The following RORA variants were observed in gnomAD, a reference collection of about 807,000 sequenced individuals.
RORA encodes nuclear receptor ROR-alpha.
A neutral mutation model predicts 69.5 loss-of-function variants in RORA; 7 were observed. The ratio of observed to expected loss-of-function variants is 0.10; its 90% confidence interval spans 0.06 to 0.19. The LOEUF (loss-of-function observed/expected upper bound fraction) is 0.19, where lower values mean the gene tolerates loss of function less well. RORA is among the 10% of genes least tolerant of loss of function. The pLI, the probability that RORA is intolerant of heterozygous loss-of-function variation, is 1.00. For synonymous variants in RORA, 261 were observed against 240.8 expected (o/e 1.08, Z -0.78); for missense variants, 457 against 663.0 (o/e 0.69, Z 3.41).
chr15:61,124,186 T>C (rs771727100), intron 1 of RORA, among the ~76,000 whole-genome samples: 8 of 152,306 alleles, frequency 5.3e-5, no homozygotes, highest in African/African-American at 7.2e-5. Context: ...GCCATTTAGG[T>C]GTTGGCTGCT....
chr15:60,728,534 C>T (rs114142594), intron 1 of RORA, among the ~76,000 whole-genome samples: 2,109 of 152,172 alleles, frequency 0.014, 57 homozygotes, highest in African/African-American at 0.049. Flanking sequence ...AATCATCATT[C>T]GTTTCATCCA....
intron 2 of RORA, among the ~76,000 whole-genome samples, chr15:60,617,807 G>GTGA (rs2069294972): frequency 6.6e-6 from 1 of 151,364 alleles, no homozygotes; most frequent in African/African-American, 2.4e-5. Flanking sequence ...GGAGGCCTCA[G>GTGA]TTCATCCAGT....
chr15:60,809,793 T>TC (rs1449382973), intron 1 of RORA, among the ~76,000 whole-genome samples: 1 of 151,948 alleles, frequency 6.6e-6, no homozygotes, highest in Non-Finnish European at 1.5e-5. Flanking sequence ...TATTATGTTT[T>TC]TTTTTTCTGG....
At chr15:60,733,555 G>A (rs1447516475) in intron 1 of RORA, among the ~76,000 whole-genome samples, 1 of 152,038 alleles carries the variant, frequency 6.6e-6, no homozygotes, top group Non-Finnish European at 1.5e-5. Context: ...GGATTAAAGA[G>A]GATATTCCCC....
intron 1 of RORA, among the ~76,000 whole-genome samples, chr15:60,801,712 C>T (rs988053633): frequency 2.0e-5 from 3 of 152,134 alleles, no homozygotes; most frequent in Admixed American, 6.5e-5. Context: ...GTGAGCAGAC[C>T]CCACAAAGAA....
At chr15:60,829,936 C>T (rs1015541699) in intron 1 of RORA, among the ~76,000 whole-genome samples, 1 of 152,192 alleles carries the variant, frequency 6.6e-6, no homozygotes, top group Admixed American at 6.5e-5. Context: ...CTTAGTTTAG[C>T]ACTGTGCTTG....
intron 1 of RORA, among the ~76,000 whole-genome samples, chr15:60,919,063 A>T (rs1159874532): frequency 6.6e-6 from 1 of 152,186 alleles, no homozygotes; most frequent in Non-Finnish European, 1.5e-5. Flanking sequence ...GGCTTATATA[A>T]TATGCACTAG....
intron 1 of RORA, among the ~76,000 whole-genome samples, chr15:60,806,298 C>T (rs1255465738): frequency 1.3e-5 from 2 of 152,184 alleles, no homozygotes; most frequent in African/African-American, 2.4e-5. Flanking sequence ...GAGTGAAAAG[C>T]ACCCACAATT....
chr15:60,985,865 C>T (rs1235674692), intron 1 of RORA, among the ~76,000 whole-genome samples: 1 of 152,150 alleles, frequency 6.6e-6, no homozygotes, highest in Non-Finnish European at 1.5e-5. Context: ...CAGGTGTGAG[C>T]CAACGCGCCC....
At chr15:60,658,743 GTC>G (rs2070259877) in intron 2 of RORA, among the ~76,000 whole-genome samples, 1 of 152,242 alleles carries the variant, frequency 6.6e-6, no homozygotes, top group African/African-American at 2.4e-5. Context: ...TTACAGGTAA[GTC>G]TGTGCTTAAA....
At chr15:61,119,084 G>GT (rs796892364) in intron 1 of RORA, among the ~76,000 whole-genome samples, 9 of 147,630 alleles carry the variant, frequency 6.1e-5, no homozygotes, top group African/African-American at 2.2e-4. Flanking sequence ...TAACAGAAGG[G>GT]GGGGGGGGGC....
In RORA at chr15:60,928,802, T is replaced by C. The variant is rs529908501; in HGVS notation, c.167-250116A>G. On this transcript the variant is annotated intron_variant, in intron 1 of 10. Coordinates refer to ENST00000335670, the MANE Select transcript of RORA (RefSeq NM_134261.3). Reference sequence around the variant, plus strand: ...GACTCTCCAGGCAAGTCTAAAGTAATGCTGGCAATAATGCACAGAGCTCTA... The same window carrying C: ...GACTCTCCAGGCAAGTCTAAAGTAACGCTGGCAATAATGCACAGAGCTCTA... 1.3e-5 allele frequency among the ~76,000 whole-genome samples: 2 copies of C among 152,276 alleles called. 1 individual carries two copies. The highest frequency in any genetic ancestry group is 6.8e-3 in the Middle Eastern group (2 of 294).
At chr15:60,694,374 G>C (rs543986271) in intron 1 of RORA, among the ~76,000 whole-genome samples, 2 of 152,168 alleles carry the variant, frequency 1.3e-5, no homozygotes, top group Non-Finnish European at 2.9e-5. Context: ...CACGGAAGAT[G>C]AGCATCTGAA....
intron 2 of RORA, among the ~76,000 whole-genome samples, chr15:60,627,053 C>T (rs2069602029): frequency 6.6e-6 from 1 of 152,176 alleles, no homozygotes; most frequent in Non-Finnish European, 1.5e-5. Flanking sequence ...CATCCCACCT[C>T]GGGTTCCCAT....
At chr15:61,181,506 GGAAAATGT>G (rs2079685392) in intron 1 of RORA, 1 of 151,998 alleles carries the variant, frequency 6.6e-6, no homozygotes, top group South Asian at 2.1e-4. Flanking sequence ...CCAGAAAGGG[GGAAAATGT>G]GACAATCTGG....
At chr15:60,952,063 C>G (rs988537163) in intron 1 of RORA, among the ~76,000 whole-genome samples, 4 of 150,836 alleles carry the variant, frequency 2.7e-5, no homozygotes, top group African/African-American at 9.8e-5. Context: ...CAAAACGAAT[C>G]CAGCAGCACA....
intron 1 of RORA, among the ~76,000 whole-genome samples, chr15:60,770,778 A>G (rs1469971816): frequency 1.3e-5 from 2 of 152,140 alleles, no homozygotes; most frequent in East Asian, 1.9e-4. Flanking sequence ...ATGCTTCACC[A>G]TGCCTGGCTA....
chr15:60,870,806 G>A (rs2073547179), intron 1 of RORA, among the ~76,000 whole-genome samples: 1 of 152,206 alleles, frequency 6.6e-6, no homozygotes, highest in Non-Finnish European at 1.5e-5. Context: ...TTATAGAGTT[G>A]TTTAACTGTC....
intron 1 of RORA, among the ~76,000 whole-genome samples, chr15:61,220,407 G>C (rs900010363): frequency 5.9e-5 from 9 of 152,186 alleles, no homozygotes; most frequent in Admixed American, 6.5e-5. Flanking sequence ...AAGCAATGCA[G>C]TTTATTTAAG....
Sources: allele counts gnomAD v4.1 joint callset (sites outside exome capture counted in the v4.1 genomes callset), GRCh38; gene constraint gnomAD v4.1.1; transcripts MANE v1.5; gene names NCBI Gene and HGNC (gene_info 2026-07-23, HGNC 2026-07-21).